Variants in SHB observed in about 807,000 individuals in gnomAD.
The protein encoded by SHB is SH2 domain-containing adapter protein B.
A neutral mutation model predicts 52.3 loss-of-function variants in SHB; 20 were observed. The observed-to-expected ratio is 0.38, with a 90% CI of 0.27 to 0.56. The LOEUF is 0.56. Among genes scored for constraint, SHB ranks in the 20% least tolerant of loss-of-function variants. SHB has a pLI of 0.71. For missense variants in SHB, 825 were observed against 723.3 expected (o/e 1.14, Z -1.61); for synonymous variants, 397 against 316.5 (o/e 1.25, Z -2.70).
chr9:38,022,395 T>C (rs1821292183), intron 1 of SHB, among the ~76,000 whole-genome samples: 1 of 152,172 alleles, frequency 6.6e-6, no homozygotes, highest in Non-Finnish European at 1.5e-5. Context: ...TGCGGTTTGG[T>C]GTGTGACACA....
intron 2 of SHB, among the ~76,000 whole-genome samples, chr9:37,977,653 C>T (rs1456332299): frequency 2.6e-5 from 4 of 152,180 alleles, no homozygotes; most frequent in East Asian, 1.9e-4. Flanking sequence ...TGGACAACTT[C>T]GTAAATCACT....
At chr9:37,962,946 G>A (rs933909624) in intron 3 of SHB, among the ~76,000 whole-genome samples, 1 of 152,154 alleles carries the variant, frequency 6.6e-6, no homozygotes, top group Admixed American at 6.5e-5. Flanking sequence ...TAAAAGTGAC[G>A]CCCGGTATGG....
intron 3 of SHB, among the ~76,000 whole-genome samples, chr9:37,963,988 A>G (rs1354806054): frequency 6.6e-6 from 1 of 152,218 alleles, no homozygotes; most frequent in Non-Finnish European, 1.5e-5. Context: ...CGAGGCCCAG[A>G]GAGGTGAGGC....
chr9:37,933,976 C>T (rs1320085265), intron 5 of SHB, among the ~76,000 whole-genome samples: 1 of 152,234 alleles, frequency 6.6e-6, no homozygotes, highest in Non-Finnish European at 1.5e-5. Flanking sequence ...ATTTCCTGTC[C>T]TTTCCCATCC....
intron 2 of SHB, among the ~76,000 whole-genome samples, chr9:38,002,226 A>G (rs1468737685): frequency 6.6e-6 from 1 of 152,250 alleles, no homozygotes; most frequent in Non-Finnish European, 1.5e-5. Flanking sequence ...AAATGGTGAT[A>G]GCAATAACCC....
At chr9:37,920,119 T>C in intron 5 of SHB, 115 bp from the exon 6 acceptor site, 1 of 801,134 alleles carries the variant, frequency 1.2e-6, no homozygotes, top group Non-Finnish European at 2.1e-6. Context: ...GGCTGTGAGC[T>C]GCACCTCTCC....
At chr9:37,937,202 A>G (rs553701316) in intron 5 of SHB, among the ~76,000 whole-genome samples, 1 of 152,310 alleles carries the variant, frequency 6.6e-6, no homozygotes, top group South Asian at 2.1e-4. Context: ...CTGACAGCCC[A>G]GGGCACGATA....
In SHB at chr9:38,017,132, C is replaced by G. The variant is rs1420426017; in HGVS notation, c.718-1001G>C. On this transcript the variant is annotated intron_variant, in intron 1 of 5. Transcript: ENST00000377707. Reference sequence around the variant, plus strand: ...ACCTTTAGGAGAGGCACAGAACCCACCGAATCCACGCCCCTCCTGCTTAGC... The same window carrying G: ...ACCTTTAGGAGAGGCACAGAACCCAGCGAATCCACGCCCCTCCTGCTTAGC... 2.0e-5 allele frequency among the ~76,000 whole-genome samples: 3 copies of G among 152,228 alleles called. No individual in the cohort carries two copies. In the East Asian group the frequency reaches 5.8e-4, roughly 29 times the overall value.
intron 1 of SHB, among the ~76,000 whole-genome samples, chr9:38,017,513 G>A (rs765400807): frequency 4.7e-4 from 72 of 152,356 alleles, no homozygotes; most frequent in Non-Finnish European, 7.5e-4. Flanking sequence ...TGTGATGCCC[G>A]GAAAGGGACA....
intron 5 of SHB, among the ~76,000 whole-genome samples, chr9:37,924,737 T>C (rs1256999846): frequency 2.0e-5 from 3 of 152,204 alleles, no homozygotes; most frequent in Non-Finnish European, 4.4e-5. Context: ...TGTTGCCACA[T>C]ATTATCTCAT....
chr9:38,043,820 T>C (rs10973648), intron 1 of SHB, among the ~76,000 whole-genome samples: 19,851 of 146,902 alleles, frequency 0.14, 2,764 homozygotes, highest in African/African-American at 0.35. Flanking sequence ...ACCCGGGAGG[T>C]GGAGGTTGAG....
chr9:38,003,638 T>C (rs951501717), intron 2 of SHB, among the ~76,000 whole-genome samples: 2 of 152,154 alleles, frequency 1.3e-5, no homozygotes, highest in Non-Finnish European at 2.9e-5. Context: ...AGCTTCACCC[T>C]GAAGGGGAGG....
intron 5 of SHB, among the ~76,000 whole-genome samples, chr9:37,931,880 ATG>A (rs962618977): frequency 1.3e-5 from 2 of 152,268 alleles, no homozygotes; most frequent in African/African-American, 4.8e-5. Context: ...ACTGTGGTGT[ATG>A]TATGACAGAA....
chr9:38,024,164 C>T (rs1237617940), intron 1 of SHB, among the ~76,000 whole-genome samples: 3 of 152,250 alleles, frequency 2.0e-5, no homozygotes, highest in Non-Finnish European at 4.4e-5. Context: ...CCAAGTACTC[C>T]GCCCACATGC....
intron 5 of SHB, among the ~76,000 whole-genome samples, chr9:37,922,476 G>A (rs1265159151): frequency 1.3e-5 from 2 of 152,216 alleles, no homozygotes; most frequent in African/African-American, 4.8e-5. Context: ...GCAGCTGCCA[G>A]GCTGAAGAGA....
intron 1 of SHB, among the ~76,000 whole-genome samples, chr9:38,041,076 T>TAACA (rs1417300523): frequency 6.6e-6 from 1 of 152,120 alleles, no homozygotes; most frequent in Non-Finnish European, 1.5e-5. Flanking sequence ...TTCTCCAGGC[T>TAACA]AACAAGCCAC....
At position 38,016,155 on chromosome 9, in the gene SHB, G is replaced by A. The variant is rs373267526; in HGVS notation, c.718-24C>T. ...ACCTGCAGGGAGGAAGATGGCAGGT[G>A]TGAGTCCACCTTTGGCTTTTTTGTT... On this transcript the variant is annotated intron_variant, in intron 1 of 5. Coordinates refer to ENST00000377707, the MANE Select transcript of SHB (RefSeq NM_003028.3). 29 of 1,613,518 alleles carry A rather than the reference G, an allele frequency of 1.8e-5. No homozygotes were observed. In the East Asian group the frequency reaches 2.5e-4, roughly 14 times the overall value.
intron 1 of SHB, among the ~76,000 whole-genome samples, chr9:38,019,821 T>G (rs1233017851): frequency 1.3e-5 from 2 of 152,122 alleles, no homozygotes; most frequent in African/African-American, 4.8e-5. Flanking sequence ...AACTACTGCA[T>G]CCATCAATAG....
chr9:37,954,081 G>A (rs1454099756), intron 4 of SHB, among the ~76,000 whole-genome samples: 1 of 152,200 alleles, frequency 6.6e-6, no homozygotes, highest in Non-Finnish European at 1.5e-5. Flanking sequence ...GACGCACGCC[G>A]AACATCTGTG....
Sources: allele counts gnomAD v4.1 joint callset (sites outside exome capture counted in the v4.1 genomes callset), GRCh38; gene constraint gnomAD v4.1.1; transcripts MANE v1.5; gene names NCBI Gene and HGNC (gene_info 2026-07-23, HGNC 2026-07-21).